The following TBC1D9 variants were observed in gnomAD, a reference collection of about 807,000 sequenced individuals.
The protein encoded by TBC1D9 is TBC1 domain family member 9A.
In TBC1D9, 63 loss-of-function variants were observed where a neutral mutation model predicts 132.0. The observed-to-expected ratio is 0.48, with a 90% CI of 0.39 to 0.59. TBC1D9 has a LOEUF of 0.59. Among genes scored for constraint, TBC1D9 ranks in the 20% least tolerant of loss-of-function variants. TBC1D9 has a pLI of 0.00. For missense variants in TBC1D9, 1,261 were observed against 1,592.7 expected (o/e 0.79, Z 3.54); for synonymous variants, 610 against 609.9 (o/e 1.00, Z 0.00).
intron 1 of TBC1D9, among the ~76,000 whole-genome samples, chr4:140,726,305 T>C (rs529593910): frequency 6.6e-6 from 1 of 152,070 alleles, no homozygotes; most frequent in East Asian, 1.9e-4. Context: ...AAAAAAATTT[T>C]AAAAATTTTA....
chr4:140,680,623 T>C (rs1048610062), intron 3 of TBC1D9, among the ~76,000 whole-genome samples: 3 of 152,222 alleles, frequency 2.0e-5, no homozygotes, highest in African/African-American at 7.2e-5. Flanking sequence ...TCATTTTCTC[T>C]GATCTCAAGG....
At chr4:140,660,956 C>A (rs897666298) in intron 10 of TBC1D9, among the ~76,000 whole-genome samples, 3 of 151,872 alleles carry the variant, frequency 2.0e-5, no homozygotes, top group Non-Finnish European at 4.4e-5. Flanking sequence ...GCTCTGTCGC[C>A]CAGGCTGGAG....
Position 140,648,632 on chromosome 4 carries a change from C to T in TBC1D9, c.2337+8465G>A, listed in dbSNP as rs149198526. On this transcript the variant is annotated intron_variant, in intron 13 of 20. Coordinates refer to ENST00000442267, the MANE Select transcript of TBC1D9 (RefSeq NM_015130.3). ...AACTCCTGAGCTTAAGTGGTCTGCC[C>T]GCCTTGGCCTCCCAAAGTACTGAGA... 3.1e-3 allele frequency among the ~76,000 whole-genome samples: 477 copies of T among 152,172 alleles called. 4 individuals are homozygous for T. Among genetic ancestry groups the T allele is most frequent in the African/African-American group, 0.01 (426 of 41,512 alleles).
chr4:140,709,248 T>TCACACACACACACACA (rs36222926), intron 1 of TBC1D9, among the ~76,000 whole-genome samples: 2 of 104,190 alleles, frequency 1.9e-5, no homozygotes, highest in African/African-American at 8.8e-5. Flanking sequence ...TCTCTCTCTC[T>TCACACACACACACACA]CACACACACA....
intron 1 of TBC1D9, among the ~76,000 whole-genome samples, chr4:140,703,716 G>GA (rs989290157): frequency 6.6e-6 from 1 of 151,856 alleles, no homozygotes; most frequent in African/African-American, 2.4e-5. Context: ...AACATACCAG[G>GA]AAAAAAACAA....
At chr4:140,714,377 T>C (rs1738298204) in intron 1 of TBC1D9, among the ~76,000 whole-genome samples, 1 of 152,230 alleles carries the variant, frequency 6.6e-6, no homozygotes, top group African/African-American at 2.4e-5. Flanking sequence ...CAACTTGGTC[T>C]GGACAGGAGG....
intron 18 of TBC1D9, among the ~76,000 whole-genome samples, 193 bp from the exon 19 acceptor site, chr4:140,624,581 TG>T (rs1256359196): frequency 6.6e-6 from 1 of 152,098 alleles, no homozygotes; most frequent in African/African-American, 2.4e-5. Flanking sequence ...CAACAATTTT[TG>T]GGGGGGATAA....
In TBC1D9 at chr4:140,621,756, A is replaced by G. The variant is rs1283612485; in HGVS notation, c.*439T>C. On this transcript the variant is annotated 3_prime_UTR_variant, in exon 21 of 21. Transcript: ENST00000442267. ...CGCTGACTATGCCTTCCATTTAAGA[A>G]CAGTCTTGCATTTGTGGCTTTTCAT... 2 of 153,402 alleles carry G rather than the reference A, an allele frequency of 1.3e-5. No individual in the cohort carries two copies. Among genetic ancestry groups the G allele is most frequent in the Admixed American group, 6.5e-5 (1 of 15,328 alleles). The allele number at this position is 153,402 out of a possible 1,614,324, so 9.5% of individuals were successfully genotyped here. A position where few individuals can be genotyped will look rare whatever the true frequency, so the allele number is the denominator to read the frequency against.
In TBC1D9 at chr4:140,622,837, C is replaced by A; in HGVS notation, c.3159G>T (p.Thr1053=). The stretch of plus-strand genomic sequence containing the variant: ...CCAGCAGGAGGCTGGTCACTGCTGC[C>A]GTGGCGTGGTACAGCTCCTGCTCAT... ...DPNEQELYHA[T]AAVTSLLLEI... is the part of the protein sequence containing the mutation. Residue 1053 remains threonine, a synonymous_variant, in exon 21 of 21, where the codon ACG becomes ACT. Transcript: ENST00000442267. 2 of 1,598,052 alleles carry A rather than the reference C, an allele frequency of 1.3e-6. No homozygotes were observed. Among genetic ancestry groups the A allele is most frequent in the Non-Finnish European group, 8.5e-7 (1 of 1,175,210 alleles).
At chr4:140,648,041 A>G (rs976317308) in intron 13 of TBC1D9, among the ~76,000 whole-genome samples, 1 of 152,160 alleles carries the variant, frequency 6.6e-6, no homozygotes, top group Non-Finnish European at 1.5e-5. Flanking sequence ...TACCCAAAAC[A>G]AAGACACAGG....
intron 2 of TBC1D9, among the ~76,000 whole-genome samples, chr4:140,699,454 T>G (rs1445279664): frequency 6.6e-6 from 1 of 152,210 alleles, no homozygotes; most frequent in Non-Finnish European, 1.5e-5. Flanking sequence ...TCATAAATCA[T>G]GTTGATAAAA....
intron 13 of TBC1D9, among the ~76,000 whole-genome samples, chr4:140,641,257 TC>T (rs1736989635): frequency 6.6e-6 from 1 of 152,164 alleles, no homozygotes; most frequent in Non-Finnish European, 1.5e-5. Context: ...AAGGGGCACT[TC>T]CAGGTTGCTA....
intron 2 of TBC1D9, among the ~76,000 whole-genome samples, chr4:140,695,378 A>G (rs1280274882): frequency 6.6e-6 from 1 of 152,196 alleles, no homozygotes; most frequent in Non-Finnish European, 1.5e-5. Context: ...ACATTCTGGA[A>G]TGGTAAAGAA....
chr4:140,672,602 A>G (rs879683445), intron 6 of TBC1D9, among the ~76,000 whole-genome samples: 3 of 152,208 alleles, frequency 2.0e-5, no homozygotes, highest in Non-Finnish European at 4.4e-5. Context: ...TCCTTCGTCT[A>G]GCTGGAGCAT....
chr4:140,756,077 G>T lies in TBC1D9; in HGVS notation c.-32C>A. 6.3e-7 allele frequency: 1 copy of T among 1,593,360 alleles called. No homozygotes were observed. Among genetic ancestry groups the T allele is most frequent in the African/African-American group, 1.4e-5 (1 of 73,028 alleles). On this transcript the variant is annotated 5_prime_UTR_variant, in exon 1 of 21. Transcript: ENST00000442267. The surrounding 1 kb of genome is among the most constrained non-coding windows in gnomAD (Gnocchi z 5.6). ...GGCTGCCGCGGGCGGGCGCACAATGGGCCCGTGGGTCCAGTCCTGCACCCA... is the reference window on the plus strand; with the variant it reads ...GGCTGCCGCGGGCGGGCGCACAATGTGCCCGTGGGTCCAGTCCTGCACCCA...
At chr4:140,628,786 G>C (rs1019721943) in intron 16 of TBC1D9, among the ~76,000 whole-genome samples, 1 of 152,172 alleles carries the variant, frequency 6.6e-6, no homozygotes, top group South Asian at 2.1e-4. Flanking sequence ...ATAACTATTA[G>C]AGTTCAGAAA....
chr4:140,661,194 G>A (rs925604851), intron 10 of TBC1D9, among the ~76,000 whole-genome samples: 3 of 152,182 alleles, frequency 2.0e-5, no homozygotes, highest in Non-Finnish European at 4.4e-5. Context: ...GATTACGGGC[G>A]TGAGCCACCG....
chr4:140,683,950 C>A (rs1242865563), intron 3 of TBC1D9, among the ~76,000 whole-genome samples: 1 of 152,124 alleles, frequency 6.6e-6, no homozygotes, highest in Non-Finnish European at 1.5e-5. Flanking sequence ...ATCCACTAGT[C>A]TAGAAGCTAA....
intron 18 of TBC1D9, 111 bp from the exon 19 acceptor site, chr4:140,624,499 GCAAACAAA>G (rs5862492): frequency 2.4e-6 from 2 of 843,568 alleles, no homozygotes; most frequent in Non-Finnish European, 3.6e-6. Flanking sequence ...GCCTGATTTA[GCAAACAAA>G]CAAACAAAAA....
Sources: gnomAD v4.1 joint callset for allele counts (sites outside exome capture counted in the v4.1 genomes callset) on GRCh38, gnomAD v4.1.1 for gene constraint, Gnocchi (gnomAD v3.1) non-coding constraint, MANE v1.5 for transcripts, NCBI Gene and HGNC (gene_info 2026-07-23, HGNC 2026-07-21) for gene names.